Variants in GTF2I observed in about 807,000 individuals in gnomAD.
The protein encoded by GTF2I is general transcription factor II-I.
GTF2I carries 12 observed loss-of-function variants against 67.6 expected under a neutral mutation model. That is an observed-to-expected ratio of 0.18 (90% CI 0.11 to 0.29). The LOEUF (loss-of-function observed/expected upper bound fraction) is 0.29. GTF2I is among the 10% of genes least tolerant of loss of function. GTF2I has a pLI of 1.00. For missense variants in GTF2I, 271 were observed against 580.1 expected (o/e 0.47, Z 5.47); for synonymous variants, 149 against 197.0 (o/e 0.76, Z 2.04).
intron 12 of GTF2I, among the ~76,000 whole-genome samples, chr7:74,722,060 A>G (rs1211951496): frequency 6.6e-6 from 1 of 152,204 alleles, no homozygotes; most frequent in Admixed American, 6.5e-5. Flanking sequence ...TGGTAGAAAA[A>G]AAAACAGAAC....
intron 6 of GTF2I, among the ~76,000 whole-genome samples, chr7:74,701,999 C>T (rs185886423): frequency 1.6e-3 from 250 of 152,126 alleles, no homozygotes; most frequent in South Asian, 2.9e-3. Flanking sequence ...TAGGTGTAGC[C>T]GTAGCTTCTT....
chr7:74,688,182 G>A (rs782772342), intron 1 of GTF2I, among the ~76,000 whole-genome samples: 1 of 152,012 alleles, frequency 6.6e-6, no homozygotes, highest in Non-Finnish European at 1.5e-5. Flanking sequence ...AGGTTCAAGC[G>A]ATTCCCCTGT....
chr7:74,724,252 T>C (rs1793472445), intron 12 of GTF2I, among the ~76,000 whole-genome samples: 1 of 152,204 alleles, frequency 6.6e-6, no homozygotes, highest in Non-Finnish European at 1.5e-5. Flanking sequence ...TTGAAATGTA[T>C]AGGGTAATTA....
At chr7:74,693,854 A>T (rs587617965) in intron 3 of GTF2I, among the ~76,000 whole-genome samples, 23 of 152,276 alleles carry the variant, frequency 1.5e-4, no homozygotes, top group South Asian at 1.0e-3. Context: ...CAACGAAAAA[A>T]AAAGGAAATT....
intron 1 of GTF2I, among the ~76,000 whole-genome samples, chr7:74,682,506 C>T (rs1787355792): frequency 6.6e-6 from 1 of 152,102 alleles, no homozygotes; most frequent in African/African-American, 2.4e-5. Context: ...TTACTTGTGG[C>T]CTGGGTTAAC....
intron 3 of GTF2I, among the ~76,000 whole-genome samples, chr7:74,695,996 AT>A (rs782499083): frequency 0.04 from 5,715 of 143,868 alleles, 145 homozygotes; most frequent in Middle Eastern, 0.098. Context: ...ATTGCTAATA[AT>A]TTTTTTTTTT....
intron 12 of GTF2I, chr7:74,727,926 G>C (rs1207979794): frequency 6.6e-6 from 1 of 152,364 alleles, no homozygotes; most frequent in East Asian, 1.9e-4. Context: ...CACAGCCTCT[G>C]TGCTGACTGA....
chr7:74,670,978 C>T (rs797029649), intron 1 of GTF2I, among the ~76,000 whole-genome samples: 6 of 151,326 alleles, frequency 4.0e-5, no homozygotes, highest in African/African-American at 1.5e-4. Context: ...TTCCGAATAG[C>T]TGGTAAGATT....
At chr7:74,709,277 C>T (rs1554402103) in intron 8 of GTF2I, among the ~76,000 whole-genome samples, 1 of 152,122 alleles carries the variant, frequency 6.6e-6, no homozygotes, top group Non-Finnish European at 1.5e-5. Context: ...GAGACAAGGT[C>T]TCACTCTGTC....
chr7:74,699,374 T>C (rs587647389), intron 4 of GTF2I: 53 of 168,566 alleles, frequency 3.1e-4, no homozygotes, highest in Non-Finnish European at 5.7e-4. Flanking sequence ...CTCACTGCAA[T>C]CTCCGCCTCC....
Position 74,696,324 on chromosome 7 carries a change from T to G in GTF2I, c.239-2637T>G, listed in dbSNP as rs188033463. Among the ~76,000 whole-genome samples the G allele has an allele frequency of 1.2e-4, 18 of 151,614 alleles. No homozygotes were observed. In the East Asian group the frequency reaches 3.3e-3, roughly 28 times the overall value. On this transcript the variant is annotated intron_variant, in intron 3 of 34. Coordinates refer to ENST00000573035, the MANE Select transcript of GTF2I (RefSeq NM_032999.4). ...ATCCATGGAGAATGGTTTCTGTATC[T>G]AATTCTCCTTCTTCTCTTTTTTTTT...
intron 1 of GTF2I, among the ~76,000 whole-genome samples, chr7:74,686,667 T>TG (rs1339728186): frequency 5.9e-5 from 9 of 152,220 alleles, no homozygotes; most frequent in Admixed American, 5.2e-4. Flanking sequence ...TACTTAGACT[T>TG]GGGGGAGAGG....
chr7:74,677,976 C>G (rs1806058909), intron 1 of GTF2I, among the ~76,000 whole-genome samples: 1 of 151,880 alleles, frequency 6.6e-6, no homozygotes, highest in African/African-American at 2.4e-5. Flanking sequence ...CCGCTGTAGT[C>G]CATTTTTTGG....
At chr7:74,662,204 C>CTTT (rs59914241) in intron 1 of GTF2I, among the ~76,000 whole-genome samples, 59 of 82,562 alleles carry the variant, frequency 7.1e-4, no homozygotes, top group African/African-American at 1.9e-3. Flanking sequence ...TTTTTTCTTT[C>CTTT]TTTTTTTTTT....
chr7:74,705,406 T>C (rs1157537709), intron 7 of GTF2I, among the ~76,000 whole-genome samples, 188 bp downstream of exon 7: 3 of 152,140 alleles, frequency 2.0e-5, no homozygotes, highest in Non-Finnish European at 4.4e-5. Context: ...ATAGTAGAGT[T>C]CCTGGGAAAA....
At chr7:74,733,181 G>A (rs1794633317) in intron 15 of GTF2I, among the ~76,000 whole-genome samples, 1 of 120,324 alleles carries the variant, frequency 8.3e-6, no homozygotes, top group African/African-American at 3.2e-5. Flanking sequence ...TGGCCAGGCT[G>A]GTCTTGAACT....
chr7:74,668,807 C>T (rs1805205471), intron 1 of GTF2I, among the ~76,000 whole-genome samples: 1 of 151,944 alleles, frequency 6.6e-6, no homozygotes, highest in Non-Finnish European at 1.5e-5. Flanking sequence ...CTCCTGACCT[C>T]GTGATCCACC....
intron 1 of GTF2I, among the ~76,000 whole-genome samples, chr7:74,666,811 C>CAAAAA (rs61609037): frequency 1.6e-3 from 209 of 129,152 alleles, no homozygotes; most frequent in Non-Finnish European, 2.3e-3. Flanking sequence ...ACTAAAAATA[C>CAAAAA]AAAAAAAAAA....
chr7:74,673,959 G>A lies in GTF2I; in HGVS notation c.-5-15165G>A, dbSNP rs938641860. 3.3e-5 allele frequency among the ~76,000 whole-genome samples: 5 copies of A among 151,748 alleles called. No individual in the cohort carries two copies. The East Asian group carries it at 7.7e-4, about 24-fold the overall frequency. ...CTCCCAAAGTGCTGGGATTACAAGC[G>A]TGAGCCACCGCGCCTGGCATAAAAC... On this transcript the variant is annotated intron_variant, in intron 1 of 34. Transcript: ENST00000573035.
Sources: gnomAD v4.1 joint callset for allele counts (sites outside exome capture counted in the v4.1 genomes callset) on GRCh38, gnomAD v4.1.1 for gene constraint, MANE v1.5 for transcripts, NCBI Gene and HGNC (gene_info 2026-07-23, HGNC 2026-07-21) for gene names.